The following PTP4A3 variants were observed in gnomAD, a reference collection of about 807,000 sequenced individuals.
PTP4A3 encodes protein tyrosine phosphatase type IVA 3.
In PTP4A3, 9 loss-of-function variants were observed where a neutral mutation model predicts 15.2. The observed-to-expected ratio is 0.59, with a 90% confidence interval of 0.36 to 1.03. The LOEUF (loss-of-function observed/expected upper bound fraction) is 1.03. Among genes scored for constraint, PTP4A3 ranks in the 50% least tolerant of loss-of-function variants. PTP4A3 has a pLI of 0.02. For missense variants in PTP4A3, 234 were observed against 252.1 expected (o/e 0.93, Z 0.49); for synonymous variants, 95 against 102.0 (o/e 0.93, Z 0.41).
In PTP4A3 at chr8:141,409,845, G is replaced by A. The variant is rs568306069; in HGVS notation, c.-853-11543G>A. Among the ~76,000 whole-genome samples the A allele has an allele frequency of 5.3e-5, 8 of 152,366 alleles. No homozygotes were observed. In the East Asian group the frequency reaches 5.8e-4, roughly 11 times the overall value. ...GCCCTGCTTGCGCTGGCGAGGGGCCGTGGCTGGGTGCCCAGCGGTGCCTGC... is the reference window on the plus strand; with the variant it reads ...GCCCTGCTTGCGCTGGCGAGGGGCCATGGCTGGGTGCCCAGCGGTGCCTGC... On this transcript the variant is annotated intron_variant, in intron 1 of 5. Transcript: ENST00000521578.
At chr8:141,420,157 G>C (rs1833261338) in intron 1 of PTP4A3, among the ~76,000 whole-genome samples, 1 of 152,232 alleles carries the variant, frequency 6.6e-6, no homozygotes, top group Non-Finnish European at 1.5e-5. Context: ...GGGTGGGTTG[G>C]GGAATGGAGG....
rs1833357490 is a variant in PTP4A3 at position 141,422,099 on chromosome 8, G to A, written c.-142G>A. The A allele has an allele frequency of 1.4e-6, 1 of 726,058 alleles. No homozygotes were observed. The highest frequency in any genetic ancestry group is 2.6e-5 in the Admixed American group (1 of 38,438). The allele number at this position is 726,058 out of a possible 1,614,324, so 45.0% of individuals were successfully genotyped here. A position where few individuals can be genotyped will look rare whatever the true frequency, so the allele number is the denominator to read the frequency against. On this transcript the variant is annotated 5_prime_UTR_variant, in exon 2 of 6. Coordinates refer to ENST00000521578, the MANE Select transcript of PTP4A3 (RefSeq NM_032611.3). Reference sequence around the variant, plus strand: ...CAATATTTGTGCGGGGTATGGGGGTGGGTTTTTAAATCTCGTTTCTCTTGG... The same window carrying A: ...CAATATTTGTGCGGGGTATGGGGGTAGGTTTTTAAATCTCGTTTCTCTTGG...
Position 141,418,330 on chromosome 8 carries a change from T to A in PTP4A3, c.-853-3058T>A, listed in dbSNP as rs1398411244. On this transcript the variant is annotated intron_variant, in intron 1 of 5. Transcript: ENST00000521578. ...GCTGGATTCAAACTTCTTAAGCTGCTGTGCCATCGGGAAGGAGGGCGGTAG... is the reference window on the plus strand; with the variant it reads ...GCTGGATTCAAACTTCTTAAGCTGCAGTGCCATCGGGAAGGAGGGCGGTAG... Among the ~76,000 whole-genome samples, 3 of 152,358 alleles carry A rather than the reference T, an allele frequency of 2.0e-5. No individual in the cohort carries two copies. The South Asian group carries it at 6.2e-4, about 32-fold the overall frequency.
rs185764259 is a variant in PTP4A3 at position 141,406,920 on chromosome 8, C to T, written c.-853-14468C>T. ...GTTATGCTTTGAACTTCCAAAAATG[C>T]GCTCAGAAATCTTTCCTGTCCTCTA... On this transcript the variant is annotated intron_variant, in intron 1 of 5. Coordinates refer to ENST00000521578, the MANE Select transcript of PTP4A3 (RefSeq NM_032611.3). The surrounding 1 kb of genome is among the most constrained non-coding windows in gnomAD (Gnocchi z 4.5). 2.4e-4 allele frequency among the ~76,000 whole-genome samples: 36 copies of T among 152,332 alleles called. 1 individual carries two copies. The East Asian group carries it at 4.0e-3, about 17-fold the overall frequency.
chr8:141,428,423 C>T (rs890116040), intron 5 of PTP4A3, among the ~76,000 whole-genome samples: 3 of 152,174 alleles, frequency 2.0e-5, no homozygotes, highest in African/African-American at 7.2e-5. Flanking sequence ...GCCGGGATGG[C>T]AGGGCCAACT....
At chr8:141,409,200 G>A (rs564437738) in intron 1 of PTP4A3, among the ~76,000 whole-genome samples, 2 of 152,222 alleles carry the variant, frequency 1.3e-5, no homozygotes, top group Non-Finnish European at 2.9e-5. Context: ...GGAGGCCTGG[G>A]AGCTGCAGCA....
chr8:141,419,744 T>A (rs1378248291), intron 1 of PTP4A3, among the ~76,000 whole-genome samples: 1 of 152,094 alleles, frequency 6.6e-6, no homozygotes, highest in East Asian at 1.9e-4. Flanking sequence ...GCTCATTTTT[T>A]ATTTTTTTAT....
chr8:141,430,684 C>A (rs1236423712), intron 5 of PTP4A3, among the ~76,000 whole-genome samples: 3 of 152,240 alleles, frequency 2.0e-5, no homozygotes, highest in East Asian at 3.9e-4. Flanking sequence ...AGCCCAGAGT[C>A]AGCCTGGAGG....
chr8:141,403,174 G>A (rs1832638545), intron 1 of PTP4A3, among the ~76,000 whole-genome samples: 1 of 152,212 alleles, frequency 6.6e-6, no homozygotes, highest in Admixed American at 6.5e-5. Flanking sequence ...TCTCCTTCCT[G>A]ACTCATTCAA....
At chr8:141,411,892 A>G (rs747643476) in intron 1 of PTP4A3, among the ~76,000 whole-genome samples, 14 of 152,286 alleles carry the variant, frequency 9.2e-5, no homozygotes, top group Non-Finnish European at 1.6e-4. Flanking sequence ...CACCCTGGGT[A>G]GGCCCTGAAT....
At chr8:141,412,074 C>G (rs2129951330) in intron 1 of PTP4A3, among the ~76,000 whole-genome samples, 1 of 152,376 alleles carries the variant, frequency 6.6e-6, no homozygotes, top group South Asian at 2.1e-4. Flanking sequence ...CTTGGGCCTT[C>G]TCCGCCTTCC....
Position 141,431,166 on chromosome 8 carries a change from C to A in PTP4A3, c.*122C>A. 2.2e-6 allele frequency: 2 copies of A among 905,376 alleles called. No individual in the cohort carries two copies. Among genetic ancestry groups the A allele is most frequent in the South Asian group, 1.5e-5 (1 of 66,684 alleles). 56.1% of individuals were successfully genotyped at this position (905,376 alleles called of 1,614,324 possible). A position where few individuals can be genotyped will look rare whatever the true frequency, so the allele number is the denominator to read the frequency against. ...CTCCAGGCCTTGGCTGGCCCCACAT[C>A]GCCTTTTCCTCCCCGACACCTCCGT... On this transcript the variant is annotated 3_prime_UTR_variant, in exon 6 of 6. Transcript: ENST00000521578.
intron 5 of PTP4A3, among the ~76,000 whole-genome samples, chr8:141,428,769 CAT>C (rs571681322): frequency 1.7e-3 from 257 of 152,248 alleles, no homozygotes; most frequent in Non-Finnish European, 3.1e-3. Flanking sequence ...TTCACAAGCA[CAT>C]GTGTGCCCAC....
chr8:141,414,527 G>C (rs910725235), intron 1 of PTP4A3, among the ~76,000 whole-genome samples: 3 of 151,906 alleles, frequency 2.0e-5, no homozygotes, highest in Non-Finnish European at 4.4e-5. Context: ...AGGTGTGTGA[G>C]TCTCTGCACC....
In PTP4A3 at chr8:141,429,616, C is replaced by T. The variant is rs112920086; in HGVS notation, c.405-1311C>T. On this transcript the variant is annotated intron_variant, in intron 5 of 5. Transcript: ENST00000521578. The stretch of plus-strand genomic sequence containing the variant: ...GGGGACAGGGTAAGCGCACAGCCCA[C>T]GTCCCCGCTGTAAGGACCAGGTGGC... 7.7e-3 allele frequency among the ~76,000 whole-genome samples: 920 copies of T among 120,226 alleles called. 26 individuals are homozygous for T. The highest frequency in any genetic ancestry group is 0.027 in the African/African-American group (859 of 31,316). The allele number at this position is 120,226 out of a possible 152,430, so 78.9% of individuals were successfully genotyped here.
chr8:141,427,197 T>A, intron 4 of PTP4A3, 128 bp downstream of exon 4: 1 of 1,345,698 alleles, frequency 7.4e-7, no homozygotes, highest in Non-Finnish European at 1.0e-6. Flanking sequence ...CCCATGCCCC[T>A]AGTGCTGGGG....
chr8:141,421,141 C>T (rs1833309219), intron 1 of PTP4A3, among the ~76,000 whole-genome samples: 1 of 152,224 alleles, frequency 6.6e-6, no homozygotes, highest in Non-Finnish European at 1.5e-5. Flanking sequence ...CCGTCATGCC[C>T]TGCTGGCTGT....
chr8:141,427,726 C>T, intron 4 of PTP4A3, 24 bp from the exon 5 acceptor site: 1 of 1,546,176 alleles, frequency 6.5e-7, no homozygotes, highest in Non-Finnish European at 8.7e-7. Flanking sequence ...CTCCGATGAC[C>T]CCCGCCCTGC....
At chr8:141,411,681 G>C (rs1251487737) in intron 1 of PTP4A3, among the ~76,000 whole-genome samples, 3 of 152,212 alleles carry the variant, frequency 2.0e-5, no homozygotes, top group Non-Finnish European at 4.4e-5. Context: ...AGGCCCCTCT[G>C]ACGTGCGTCC....
Sources: gnomAD v4.1 joint callset for allele counts (sites outside exome capture counted in the v4.1 genomes callset) on GRCh38, gnomAD v4.1.1 for gene constraint, Gnocchi (gnomAD v3.1) non-coding constraint, MANE v1.5 for transcripts, NCBI Gene and HGNC (gene_info 2026-07-23, HGNC 2026-07-21) for gene names.